FCER2: variants seen among roughly 807,000 people sequenced by gnomAD.
FCER2 encodes Fc epsilon receptor II.
FCER2 carries 38 observed loss-of-function variants against 49.7 expected under a neutral mutation model. The observed-to-expected ratio is 0.76, with a 90% confidence interval of 0.59 to 1.00. The LOEUF (loss-of-function observed/expected upper bound fraction) is 1.00. Ranked by LOEUF, FCER2 falls within the 50% of genes least tolerant of loss-of-function variation. FCER2 has a pLI of 0.00. For synonymous variants in FCER2, 163 were observed against 164.6 expected, an observed-to-expected ratio of 0.99 and a Z score of 0.07; for missense variants, 425 against 419.5, an observed-to-expected ratio of 1.01 and a Z score of -0.11.
Position 7,702,075 on chromosome 19 carries a change from G to T in FCER2, c.-146C>A, listed in dbSNP as rs550442800. ...CTAGTGTGTTGGGGTCGACCAGAGC[G>T]ATTGGCAGGGACCGTCAGAGACAGA... On this transcript the variant is annotated 5_prime_UTR_variant, in exon 1 of 11. Transcript: ENST00000597921. 2.0e-5 allele frequency: 3 copies of T among 152,114 alleles called. No homozygotes were observed. The highest frequency in any genetic ancestry group is 7.2e-5 in the African/African-American group (3 of 41,418). The allele number at this position is 152,114 out of a possible 1,614,324, so 9.4% of individuals were successfully genotyped here. A position where few individuals can be genotyped will look rare whatever the true frequency, so the allele number is the denominator to read the frequency against.
At chr19:7,691,798 C>A (rs2032878785) in intron 8 of FCER2, among the ~76,000 whole-genome samples, 1 of 151,960 alleles carries the variant, frequency 6.6e-6, no homozygotes, top group Non-Finnish European at 1.5e-5. Flanking sequence ...GCCAGCAACA[C>A]CTCAGTCACC....
intron 8 of FCER2, among the ~76,000 whole-genome samples, chr19:7,691,122 C>T (rs879330029): frequency 3.7e-3 from 257 of 69,940 alleles, no homozygotes; most frequent in African/African-American, 8.4e-3. Flanking sequence ...CACTCATGTC[C>T]AATAATATTT....
chr19:7,689,369 C>A lies in FCER2; in HGVS notation c.790G>T (p.Gly264Cys). 1 of 1,609,838 alleles carries A rather than the reference C, an allele frequency of 6.2e-7. No homozygotes were observed. The highest frequency in any genetic ancestry group is 8.5e-7 in the Non-Finnish European group (1 of 1,178,604). ...AAGGCGTCGTTCCAGCGACCGGAGC[C>A]CCGCATCATCACGCAGTCCTCGCCC... ...SQGEDCVMMR[G>C]SGRWNDAFCD... Residue 264 changes from glycine (G) to cysteine (C), a missense_variant, in exon 11 of 11, where the codon GGC (glycine) becomes TGC (cysteine). Transcript: ENST00000597921.
chr19:7,699,469 C>A, intron 2 of FCER2: 1 of 1,441,120 alleles, frequency 6.9e-7, no homozygotes, highest in Non-Finnish European at 9.0e-7. Context: ...CGCTCCCTAG[C>A]TGAAGCCGTT....
In FCER2 at chr19:7,690,491, T is replaced by A; in HGVS notation, c.536A>T (p.Lys179Met). The A allele has an allele frequency of 6.2e-7, 1 of 1,614,116 alleles. No individual in the cohort carries two copies. The highest frequency in any genetic ancestry group is 2.2e-5 in the East Asian group (1 of 44,884). The stretch of plus-strand genomic sequence containing the variant: ...GGCGTGGACCCACTGCTTGGTGCCC[T>A]TGCCGAAGTAGTAGCACTTCCGTTG... ...NFQRKCYYFG[K>M]GTKQWVHARY... Residue 179 changes from lysine to methionine, a missense_variant, in exon 9 of 11, where the codon AAG becomes ATG. Lys to Met is a moderately conservative substitution (Grantham distance 95, BLOSUM62 -1). Transcript: ENST00000597921.
At chr19:7,696,710 C>G in intron 8 of FCER2, 115 bp downstream of exon 8, 1 of 754,394 alleles carries the variant, frequency 1.3e-6, no homozygotes, top group Non-Finnish European at 2.2e-6. Flanking sequence ...ACTCGGGTCA[C>G]ACAAACGTAT....
At position 7,698,817 on chromosome 19, in the gene FCER2, A is replaced by C. The variant is rs2287866; in HGVS notation, c.60T>G (p.Arg20=). The change falls in exon 3 of 11, where the codon CGT becomes CGG. Residue 20 remains arginine (R), a synonymous_variant. Coordinates refer to ENST00000597921, the MANE Select transcript of FCER2 (RefSeq NM_001220500.2). The stretch of plus-strand genomic sequence containing the variant: ...GCCCCAGCAGCACGATCTGAGTCCC[A>C]CGCCTGCAACACCGCCTCCTGGGAA... ...EELPRRRCCR[R]GTQIVLLGLV... 3.7e-6 allele frequency: 6 copies of C among 1,610,496 alleles called. No individual in the cohort carries two copies. Among genetic ancestry groups the C allele is most frequent in the Non-Finnish European group, 5.1e-6 (6 of 1,178,944 alleles).
At chr19:7,700,644 A>T (rs2033132927) in intron 1 of FCER2, among the ~76,000 whole-genome samples, 1 of 151,370 alleles carries the variant, frequency 6.6e-6, no homozygotes, top group Non-Finnish European at 1.5e-5. Flanking sequence ...CCTCCCGAGT[A>T]GCTGGGACTA....
At chr19:7,699,455 TC>T in intron 2 of FCER2, 1 of 1,466,874 alleles carries the variant, frequency 6.8e-7, no homozygotes, top group Non-Finnish European at 9.0e-7. Flanking sequence ...TCTATTGGGC[TC>T]CCCGCTCCCT....
At chr19:7,699,345 C>T in intron 2 of FCER2, 2 of 1,252,620 alleles carry the variant, frequency 1.6e-6, no homozygotes, top group Non-Finnish European at 2.1e-6. Flanking sequence ...ATCTGGATGT[C>T]CCACCTCAAG....
Position 7,689,144 on chromosome 19 carries a change from G to T in FCER2, c.*49C>A. 7.6e-7 allele frequency: 1 copy of T among 1,319,512 alleles called. No homozygotes were observed. The highest frequency in any genetic ancestry group is 1.1e-6 in the Non-Finnish European group (1 of 924,616). The allele number at this position is 1,319,512 out of a possible 1,614,324, so 81.7% of individuals were successfully genotyped here. On this transcript the variant is annotated 3_prime_UTR_variant, in exon 11 of 11. Transcript: ENST00000597921. ...TCAGCCACAAAGAGGCTTTTAGGCCGTGGTTGGGGGTCTTCAGGGTCTTGC... is the reference window on the plus strand; with the variant it reads ...TCAGCCACAAAGAGGCTTTTAGGCCTTGGTTGGGGGTCTTCAGGGTCTTGC...
chr19:7,697,408 G>A (rs1169957166), intron 5 of FCER2, 110 bp from the exon 6 acceptor site: 2 of 1,474,724 alleles, frequency 1.4e-6, no homozygotes, highest in African/African-American at 2.8e-5. Flanking sequence ...CACCTGCTCA[G>A]TTTGCAGTTC....
intron 4 of FCER2, 144 bp downstream of exon 4, chr19:7,698,212 G>A (rs2033066464): frequency 1.7e-6 from 1 of 581,090 alleles, no homozygotes; most frequent in Non-Finnish European, 3.0e-6. Flanking sequence ...GCTTCCCTGG[G>A]TCCCCGCCTT....
At chr19:7,691,931 T>G (rs113560762) in intron 8 of FCER2, among the ~76,000 whole-genome samples, 1 of 119,142 alleles carries the variant, frequency 8.4e-6, no homozygotes, top group South Asian at 2.8e-4. Context: ...AATACATTCA[T>G]GTCCAACAAC....
intron 9 of FCER2, 62 bp downstream of exon 9, chr19:7,690,344 T>G: frequency 6.3e-7 from 1 of 1,597,938 alleles, no homozygotes; most frequent in South Asian, 1.1e-5. Context: ...TTGGGTAGAG[T>G]GGGGTGGGGG....
intron 10 of FCER2, 108 bp from the exon 11 acceptor site, chr19:7,689,538 G>T: frequency 1.5e-6 from 1 of 680,072 alleles, no homozygotes; most frequent in Non-Finnish European, 2.5e-6. Context: ...TCCCCATCCT[G>T]AGTCTGTGCC....
At chr19:7,694,799 C>T (rs773712138) in intron 8 of FCER2, among the ~76,000 whole-genome samples, 45 of 151,874 alleles carry the variant, frequency 3.0e-4, no homozygotes, top group Middle Eastern at 3.2e-3. Context: ...GCTGGCGGAA[C>T]GGCAGGGCTG....
At position 7,689,273 on chromosome 19, in the gene FCER2, A is replaced by T; in HGVS notation, c.886T>A (p.Ser296Thr). ...ATCTPPASEG[S>T]AESMGPDSRP... Reference sequence around the variant, plus strand: ...GAATCAGGTCCCATGGACTCCGCGGAACCTTCGCTGGCTGGCGGCGTGCAT... The same window carrying T: ...GAATCAGGTCCCATGGACTCCGCGGTACCTTCGCTGGCTGGCGGCGTGCAT... Residue 296 changes from serine to threonine, a missense_variant, in exon 11 of 11, where the codon TCC becomes ACC. By Grantham distance (58) the Ser-to-Thr change is moderately conservative (BLOSUM62 1). Coordinates refer to ENST00000597921, the MANE Select transcript of FCER2 (RefSeq NM_001220500.2). 1 of 1,613,750 alleles carries T rather than the reference A, an allele frequency of 6.2e-7. No individual in the cohort carries two copies. Among genetic ancestry groups the T allele is most frequent in the Non-Finnish European group, 8.5e-7 (1 of 1,179,882 alleles).
At chr19:7,693,368 C>A (rs1174260104) in intron 8 of FCER2, among the ~76,000 whole-genome samples, 1 of 152,100 alleles carries the variant, frequency 6.6e-6, no homozygotes, top group Admixed American at 6.6e-5. Context: ...TCCCCTTCCC[C>A]CCACCGCAGT....
Sources: gnomAD v4.1 joint callset for allele counts (sites outside exome capture counted in the v4.1 genomes callset) on GRCh38, gnomAD v4.1.1 for gene constraint, MANE v1.5 for transcripts, NCBI Gene and HGNC (gene_info 2026-07-23, HGNC 2026-07-21) for gene names.